TOR1A: variants seen among roughly 807,000 people sequenced by gnomAD.
TOR1A encodes the protein torsin family 1 member A.
Under a neutral mutation model 31.4 loss-of-function variants are expected in TOR1A, and 18 were observed. The observed-to-expected ratio is 0.57, with a 90% confidence interval of 0.40 to 0.85. TOR1A has a LOEUF of 0.85. Ranked by LOEUF, TOR1A falls within the 40% of genes least tolerant of loss-of-function variation. The probability of loss-of-function intolerance (pLI) is 0.00; values close to 1 mark genes in which losing one functional copy is unlikely to be tolerated. For missense variants in TOR1A, 375 were observed against 416.4 expected (o/e 0.90, Z 0.87); for synonymous variants, 168 against 165.9 (o/e 1.01, Z -0.10).
intron 4 of TOR1A, among the ~76,000 whole-genome samples, chr9:129,817,442 T>C (rs887604188): frequency 6.6e-6 from 1 of 152,166 alleles, no homozygotes; most frequent in Non-Finnish European, 1.5e-5. Context: ...GGCTCACGCC[T>C]GTAATCCCAG....
Position 129,822,922 on chromosome 9 carries a change from A to C in TOR1A, c.179-76T>G, listed in dbSNP as rs933564249. On this transcript the variant is annotated intron_variant, in intron 1 of 4. Transcript: ENST00000351698. ...TAGCCACATTTACAGCCCATAAGAAAGCCAGCAAAGCCGTCTAGACGCCCT... is the reference window on the plus strand; with the variant it reads ...TAGCCACATTTACAGCCCATAAGAACGCCAGCAAAGCCGTCTAGACGCCCT... The C allele has an allele frequency of 1.3e-5, 21 of 1,606,112 alleles. No individual in the cohort carries two copies. In the African/African-American group the frequency reaches 2.7e-4, roughly 20 times the overall value.
At position 129,814,549 on chromosome 9, in the gene TOR1A, G is replaced by A. The variant is rs530505279; in HGVS notation, c.749-327C>T. On this transcript the variant is annotated intron_variant, in intron 4 of 4. Coordinates refer to ENST00000351698, the MANE Select transcript of TOR1A (RefSeq NM_000113.3). ...GTGCCCTCTCCCTTGTGGAGCTCCA[G>A]ATCAGTGGGGAAGGCAGATGTTAAC... 2.0e-5 allele frequency among the ~76,000 whole-genome samples: 3 copies of A among 151,952 alleles called. No individual in the cohort carries two copies. In the East Asian group the frequency reaches 5.8e-4, roughly 30 times the overall value.
chr9:129,818,910 T>C lies in TOR1A; in HGVS notation c.455A>G (p.Gln152Arg), dbSNP rs1267111750. 1 of 1,613,294 alleles carries C rather than the reference T, an allele frequency of 6.2e-7. No individual in the cohort carries two copies. The highest frequency in any genetic ancestry group is 2.2e-5 in the East Asian group (1 of 44,890). The change falls in exon 3 of 5, where the codon CAG becomes CGG. Residue 152 changes from glutamine to arginine, a missense_variant. Gln to Arg is a conservative substitution (Grantham distance 43, BLOSUM62 1). Coordinates refer to ENST00000351698, the MANE Select transcript of TOR1A (RefSeq NM_000113.3). Reference protein sequence around the residue: ...SNITLYKDQLQLWIRGNVSAC... With the variant: ...SNITLYKDQLRLWIRGNVSAC... ...ACTCACGTTGCCTCGAATCCACAAC[T>C]GTAACTGATCCTGAATTAAAAGGGG...
intron 1 of TOR1A, chr9:129,823,226 T>C: frequency 2.8e-6 from 1 of 354,844 alleles, no homozygotes. Context: ...TGTCTCCCGC[T>C]AGGCTAGAAA....
intron 2 of TOR1A, 48 bp downstream of exon 2, chr9:129,822,533 C>G: frequency 6.2e-7 from 1 of 1,612,554 alleles, no homozygotes; most frequent in Non-Finnish European, 8.5e-7. Flanking sequence ...ACAAAGAGAC[C>G]CCAAACCCGA....
rs2030955492 is a variant in TOR1A at position 129,813,728 on chromosome 9, G to C, written c.*244C>G. ...AAATCATGAGCCCTGCGATGAGTGG[G>C]CTGGGAGCTGGCTCCTTCCTTCTGT... On this transcript the variant is annotated 3_prime_UTR_variant, in exon 5 of 5. Transcript: ENST00000351698. 1 of 594,398 alleles carries C rather than the reference G, an allele frequency of 1.7e-6. No individual in the cohort carries two copies. Among genetic ancestry groups the C allele is most frequent in the South Asian group, 2.0e-5 (1 of 50,708 alleles). 36.8% of individuals were successfully genotyped at this position (594,398 alleles called of 1,614,324 possible).
intron 2 of TOR1A, among the ~76,000 whole-genome samples, chr9:129,819,805 C>G (rs1270605417): frequency 6.7e-6 from 1 of 150,110 alleles, no homozygotes; most frequent in Non-Finnish European, 1.5e-5. Context: ...CGCCTGTAAT[C>G]CCAGGTACTT....
intron 1 of TOR1A, 32 bp from the exon 2 acceptor site, chr9:129,822,878 A>T: frequency 6.2e-7 from 1 of 1,614,054 alleles, no homozygotes; most frequent in East Asian, 2.2e-5. Flanking sequence ...AGGAGTGGGG[A>T]AGAAACAGCG....
intron 3 of TOR1A, 35 bp downstream of exon 3, chr9:129,818,710 G>C (rs2274506): frequency 6.2e-7 from 1 of 1,613,640 alleles, no homozygotes; most frequent in African/African-American, 1.3e-5. Context: ...GCTTGGGCTC[G>C]GGGCCCATCC....
Position 129,818,517 on chromosome 9 carries a change from C to G in TOR1A, c.748+3G>C, listed in dbSNP as rs2031097690. 6.2e-7 allele frequency: 1 copy of G among 1,614,064 alleles called. No individual in the cohort carries two copies. The highest frequency in any genetic ancestry group is 1.3e-5 in the African/African-American group (1 of 75,044). On this transcript the variant is annotated splice_donor_region_variant and intron_variant, in intron 4 of 4. Transcript: ENST00000351698. Reference sequence around the variant, plus strand: ...GGGACTGGCGGTGGATGGCCCTACTCACTGTTCTTGTTATTGAAAACCGAC... The same window carrying G: ...GGGACTGGCGGTGGATGGCCCTACTGACTGTTCTTGTTATTGAAAACCGAC...
At chr9:129,823,324 G>T in intron 1 of TOR1A, 1 of 292,368 alleles carries the variant, frequency 3.4e-6, no homozygotes, top group Non-Finnish European at 6.7e-6. Context: ...TGGCTCCTCA[G>T]GTCTCCGACT....
At chr9:129,817,816 CAT>C (rs2031076675) in intron 4 of TOR1A, among the ~76,000 whole-genome samples, 4 of 97,360 alleles carry the variant, frequency 4.1e-5, no homozygotes, top group Non-Finnish European at 7.5e-5. Flanking sequence ...GCCTGGGAAA[CAT>C]AGGAAGACCC....
intron 4 of TOR1A, among the ~76,000 whole-genome samples, chr9:129,817,838 C>T (rs1462737035): frequency 8.7e-5 from 4 of 45,734 alleles, no homozygotes; most frequent in African/African-American, 3.4e-4. Context: ...CAGTCTCTAC[C>T]AAAAAAAAAA....
rs1440660768 is a variant in TOR1A at position 129,813,322 on chromosome 9, T to A, written c.*650A>T. The A allele has an allele frequency of 6.4e-6, 1 of 157,058 alleles. No individual in the cohort carries two copies. Among genetic ancestry groups the A allele is most frequent in the Non-Finnish European group, 1.4e-5 (1 of 71,132 alleles). The allele number at this position is 157,058 out of a possible 1,614,324, so 9.7% of individuals were successfully genotyped here. A position where few individuals can be genotyped will look rare whatever the true frequency, so the allele number is the denominator to read the frequency against. ...GGTGAAAACCCTTGGAGAGGCTGTT[T>A]CAGGCTTATCTGTGGTGCCTGAAGG... On this transcript the variant is annotated 3_prime_UTR_variant, in exon 5 of 5. Transcript: ENST00000351698.
At chr9:129,817,091 C>G (rs906648143) in intron 4 of TOR1A, among the ~76,000 whole-genome samples, 3 of 152,190 alleles carry the variant, frequency 2.0e-5, no homozygotes, top group Non-Finnish European at 4.4e-5. Context: ...AAGTAGTGAG[C>G]TAAAACTTAA....
chr9:129,822,595 T>A lies in TOR1A; in HGVS notation c.430A>T (p.Ile144Phe), dbSNP rs2031210850. 2.5e-6 allele frequency: 4 copies of A among 1,614,042 alleles called. No homozygotes were observed. Among genetic ancestry groups the A allele is most frequent in the South Asian group, 2.2e-5 (2 of 91,080 alleles). The change falls in exon 2 of 5, where the codon ATC becomes TTC. Residue 144 changes from isoleucine to phenylalanine, a missense_variant. Ile to Phe is a conservative substitution (Grantham distance 21). Coordinates refer to ENST00000351698, the MANE Select transcript of TOR1A (RefSeq NM_000113.3). ...TCCATCCTTGCCTTGTACAAGGTGA[T>A]GTTTGAAGCATGTGGAAAGTGCAAT... ...ATLHFPHASN[I>F]TLYKDQLQLW... is the part of the protein sequence containing the mutation.
chr9:129,822,366 GGAC>G, intron 2 of TOR1A: 1 of 685,982 alleles, frequency 1.5e-6, no homozygotes, highest in Admixed American at 2.1e-5. Flanking sequence ...CATACTCACT[GGAC>G]CGATTTTCAG....
intron 4 of TOR1A, among the ~76,000 whole-genome samples, chr9:129,815,165 G>A (rs546053821): frequency 5.3e-5 from 8 of 152,290 alleles, no homozygotes; most frequent in African/African-American, 1.4e-4. Context: ...CTGGGGCTCC[G>A]TCCCCAACCC....
At chr9:129,819,341 C>T (rs185660880) in intron 2 of TOR1A, among the ~76,000 whole-genome samples, 40 of 152,224 alleles carry the variant, frequency 2.6e-4, no homozygotes, top group Admixed American at 5.9e-4. Flanking sequence ...GGGGTGGGGT[C>T]GGGCATGGTG....
Sources: gnomAD v4.1 joint callset for allele counts (sites outside exome capture counted in the v4.1 genomes callset) on GRCh38, gnomAD v4.1.1 for gene constraint, MANE v1.5 for transcripts, NCBI Gene and HGNC (gene_info 2026-07-23, HGNC 2026-07-21) for gene names.